The following TRMU variants were observed in gnomAD, a reference collection of about 807,000 sequenced individuals.
The protein encoded by TRMU is tRNA mitochondrial 2-thiouridylase.
Under a neutral mutation model 46.9 loss-of-function variants are expected in TRMU, and 49 were observed. The observed-to-expected ratio is 1.05, with a 90% CI of 0.83 to 1.33. The LOEUF (loss-of-function observed/expected upper bound fraction) is 1.33, where lower values mean the gene tolerates loss of function less well. Among genes scored for constraint, TRMU ranks in the 40% most tolerant of loss-of-function variants. The probability of loss-of-function intolerance (pLI) is 0.00; values close to 1 mark genes in which losing one functional copy is unlikely to be tolerated. For synonymous variants in TRMU, 241 were observed against 200.9 expected (o/e 1.20, Z -1.69); for missense variants, 572 against 532.4 (o/e 1.07, Z -0.73).
chr22:46,351,709 C>T lies in TRMU; in HGVS notation c.652-412C>T, dbSNP rs146096447. ...CTAGGGCAGATGTGCTTGAGGAAGG[C>T]GCCTCTCTCCTCTGACTCCCCTGGA... On this transcript the variant is annotated intron_variant, in intron 5 of 10. Transcript: ENST00000645190. This position sits in a 1 kb window ranked among gnomAD's most constrained non-coding sequence, Gnocchi z 6.4. 7.3e-5 allele frequency: 24 copies of T among 328,176 alleles called. No homozygotes were observed. The highest frequency in any genetic ancestry group is 1.9e-4 in the African/African-American group (9 of 46,818). 20.3% of individuals were successfully genotyped at this position (328,176 alleles called of 1,614,324 possible). A position where few individuals can be genotyped will look rare whatever the true frequency, so the allele number is the denominator to read the frequency against.
At chr22:46,356,143 C>T (rs534286278) in intron 10 of TRMU, 71 bp downstream of exon 10, 3 of 1,571,792 alleles carry the variant, frequency 1.9e-6, no homozygotes, top group African/African-American at 1.3e-5. Flanking sequence ...ACCCGGGTTA[C>T]AGAGGAAGGG....
At position 46,348,884 on chromosome 22, in the gene TRMU, C is replaced by T. The variant is rs2078329519; in HGVS notation, c.479-1407C>T. Among the ~76,000 whole-genome samples the T allele has an allele frequency of 6.6e-6, 1 of 152,076 alleles. No individual in the cohort carries two copies. The highest frequency in any genetic ancestry group is 2.4e-5 in the African/African-American group (1 of 41,390). On this transcript the variant is annotated intron_variant, in intron 4 of 10. Coordinates refer to ENST00000645190, the MANE Select transcript of TRMU (RefSeq NM_018006.5). The surrounding 1 kb of genome is among the most constrained non-coding windows in gnomAD (Gnocchi z 4.8). ...GTGCGGTGGCTCATGCCTGTAATCA[C>T]AGCACTTTGGGAAGCCAAGGCAGGC... is the stretch of plus-strand genomic sequence containing the variant.
intron 7 of TRMU, 79 bp from the exon 8 acceptor site, chr22:46,353,688 G>C: frequency 7.3e-7 from 1 of 1,362,766 alleles, no homozygotes; most frequent in Admixed American, 1.7e-5. Context: ...TGCCCTCCCA[G>C]CATCTGCCTT....
At position 46,350,386 on chromosome 22, in the gene TRMU, C is replaced by G. The variant is rs149815191; in HGVS notation, c.574C>G (p.Leu192Val). ...TGCCCTGAGGAGAACCATCTTCCCT[C>G]TGGGGGGATTAACGAAAGAGTTTGT... is the stretch of plus-strand genomic sequence containing the variant. ...QDALRRTIFP[L>V]GGLTKEFVKK... Residue 192 changes from leucine to valine, a missense_variant, in exon 5 of 11, where the codon CTG (leucine) becomes GTG (valine). By Grantham distance (32) the Leu-to-Val change is conservative. Transcript: ENST00000645190. The surrounding 1 kb of genome is among the most constrained non-coding windows in gnomAD (Gnocchi z 4.6). 14 of 1,614,078 alleles carry G rather than the reference C, an allele frequency of 8.7e-6. No homozygotes were observed. Among genetic ancestry groups the G allele is most frequent in the Non-Finnish European group, 1.2e-5 (14 of 1,180,056 alleles).
Position 46,338,626 on chromosome 22 carries a change from G to A in TRMU, c.248+682G>A, listed in dbSNP as rs183412098. ...CAAGAAGGCTTCACCGGAGAGGAGG[G>A]GTTGCAAACAAAGTTGTAGAGAAGG... On this transcript the variant is annotated intron_variant, in intron 2 of 10. Transcript: ENST00000645190. The surrounding 1 kb of genome is among the most constrained non-coding windows in gnomAD (Gnocchi z 4.5). Among the ~76,000 whole-genome samples, 1 of 152,216 alleles carries A rather than the reference G, an allele frequency of 6.6e-6. No individual in the cohort carries two copies. The highest frequency in any genetic ancestry group is 2.4e-5 in the African/African-American group (1 of 41,452).
chr22:46,355,951 G>T (rs777660094), intron 9 of TRMU, 39 bp from the exon 10 acceptor site: 2 of 1,609,580 alleles, frequency 1.2e-6, no homozygotes, highest in South Asian at 2.2e-5. Context: ...GACCAGGAAA[G>T]GCCTGTGCCC....
chr22:46,350,531 T>C lies in TRMU; in HGVS notation c.651+68T>C. On this transcript the variant is annotated intron_variant, in intron 5 of 10. Transcript: ENST00000645190. This position sits in a 1 kb window ranked among gnomAD's most constrained non-coding sequence, Gnocchi z 4.6. ...TCCCGACTGCATGGCACGGAGCAGC[T>C]GGACCTGTGGGTCCCGCACCACTTC... 1 of 1,583,182 alleles carries C rather than the reference T, an allele frequency of 6.3e-7. No individual in the cohort carries two copies. Among genetic ancestry groups the C allele is most frequent in the Non-Finnish European group, 8.7e-7 (1 of 1,155,068 alleles).
intron 4 of TRMU, among the ~76,000 whole-genome samples, chr22:46,346,982 T>C (rs915218786): frequency 9.8e-4 from 149 of 152,372 alleles, no homozygotes; most frequent in African/African-American, 3.4e-3. Context: ...GTGGATCGCA[T>C]GGGCTCAGCA....
intron 4 of TRMU, among the ~76,000 whole-genome samples, chr22:46,346,841 T>G (rs2147057623): frequency 6.6e-6 from 1 of 152,364 alleles, no homozygotes; most frequent in South Asian, 2.1e-4. Flanking sequence ...GTTCCAAAAA[T>G]ATCTGGGTAA....
intron 1 of TRMU, 92 bp downstream of exon 1, chr22:46,335,938 T>C (rs569996030): frequency 2.0e-6 from 3 of 1,494,344 alleles, no homozygotes; most frequent in Non-Finnish European, 2.7e-6. Flanking sequence ...GTCTCCTCCC[T>C]CCCTGGGCCG....
intron 8 of TRMU, chr22:46,354,070 G>T: frequency 1.8e-6 from 1 of 549,586 alleles, no homozygotes. Context: ...AGGCTGAGTT[G>T]TATGCTGGTC....
chr22:46,353,664 G>GGAGGGCA (rs1426083279), intron 7 of TRMU, 103 bp from the exon 8 acceptor site: 1 of 1,035,990 alleles, frequency 9.7e-7, no homozygotes, highest in East Asian at 2.5e-5. Flanking sequence ...ACCATTGCTG[G>GGAGGGCA]GCCTGCTCTG....
rs139351059 is a variant in TRMU, at chr22:46,356,933, G to A, written c.1193G>A (p.Arg398His). ...PSAYTLQKGQRRAGMATESPS... is the reference protein window; with the variant it reads ...PSAYTLQKGQHRAGMATESPS... ...GCCTACACGCTCCAGAAGGGCCAGCGCAGAGCTGGGATGGCCACTGAGAGC... is the reference window on the plus strand; with the variant it reads ...GCCTACACGCTCCAGAAGGGCCAGCACAGAGCTGGGATGGCCACTGAGAGC... Residue 398 changes from arginine to histidine, a missense_variant, in exon 11 of 11, where the codon CGC becomes CAC. Transcript: ENST00000645190. 1.8e-5 allele frequency: 29 copies of A among 1,613,410 alleles called. No individual in the cohort carries two copies. The highest frequency in any genetic ancestry group is 1.7e-4 in the Middle Eastern group (1 of 6,060).
chr22:46,341,986 C>G (rs1368729133), intron 2 of TRMU, among the ~76,000 whole-genome samples: 1 of 152,200 alleles, frequency 6.6e-6, no homozygotes, highest in Non-Finnish European at 1.5e-5. Context: ...TCACGGCAGT[C>G]ATCCTCACGG....
chr22:46,347,114 A>G lies in TRMU; in HGVS notation c.478+570A>G, dbSNP rs754696317. On this transcript the variant is annotated intron_variant, in intron 4 of 10. Transcript: ENST00000645190. This position sits in a 1 kb window ranked among gnomAD's most constrained non-coding sequence, Gnocchi z 5.0. ...GGAAGCTGCTGGCCTGTCCTGGTGT[A>G]CATTCGTGTGTAGAAAAGAGGAATT... is the stretch of plus-strand genomic sequence containing the variant. Among the ~76,000 whole-genome samples the G allele has an allele frequency of 2.6e-5, 4 of 152,214 alleles. No individual in the cohort carries two copies. Among genetic ancestry groups the G allele is most frequent in the African/African-American group, 7.2e-5 (3 of 41,460 alleles).
chr22:46,337,834 G>C lies in TRMU; in HGVS notation c.138G>C (p.Gly46=). Residue 46 remains glycine, a synonymous_variant, in exon 2 of 11, where the codon GGG becomes GGC. Transcript: ENST00000645190. ...MKNWDSLDEH[G]VCTADKDCED... ...ACTGGGACTCACTGGATGAACATGGGGTCTGTACTGCCGACAAAGACTGTG... is the reference window on the plus strand; with the variant it reads ...ACTGGGACTCACTGGATGAACATGGCGTCTGTACTGCCGACAAAGACTGTG... The C allele has an allele frequency of 1.2e-6, 2 of 1,614,184 alleles. No homozygotes were observed. The highest frequency in any genetic ancestry group is 1.7e-6 in the Non-Finnish European group (2 of 1,180,038).
rs1052019199 is a variant in TRMU at position 46,348,241 on chromosome 22, T to C, written c.478+1697T>C. Among the ~76,000 whole-genome samples the C allele has an allele frequency of 2.6e-5, 4 of 151,938 alleles. No homozygotes were observed. The highest frequency in any genetic ancestry group is 1.3e-4 in the Admixed American group (2 of 15,246). On this transcript the variant is annotated intron_variant, in intron 4 of 10. Transcript: ENST00000645190. The surrounding 1 kb of genome is among the most constrained non-coding windows in gnomAD (Gnocchi z 4.8). ...ATGCGCCTGCTTACCTCCTAGAACA[T>C]TACCTCCTAGAACACTGTGTGCCCT... is the stretch of plus-strand genomic sequence containing the variant.
intron 8 of TRMU, chr22:46,354,261 C>A: frequency 3.4e-6 from 1 of 294,940 alleles, no homozygotes; most frequent in Admixed American, 4.6e-5. Context: ...GATGGCCAAG[C>A]CAGGATCAAA....
intron 3 of TRMU, among the ~76,000 whole-genome samples, chr22:46,346,056 C>T (rs568139675): frequency 1.3e-5 from 2 of 152,308 alleles, no homozygotes; most frequent in African/African-American, 2.4e-5. Context: ...CAGGCATGAG[C>T]CACCGCGCCT....
Sources: allele counts gnomAD v4.1 joint callset (sites outside exome capture counted in the v4.1 genomes callset), GRCh38; gene constraint gnomAD v4.1.1; non-coding constraint Gnocchi (gnomAD v3.1); transcripts MANE v1.5; gene names NCBI Gene and HGNC (gene_info 2026-07-23, HGNC 2026-07-21).